The following PTPRQ variants were observed in gnomAD, a reference collection of about 807,000 sequenced individuals.
PTPRQ encodes phosphatidylinositol phosphatase PTPRQ.
Under a neutral mutation model 246.0 loss-of-function variants are expected in PTPRQ, and 199 were observed. The ratio of observed to expected loss-of-function variants is 0.81; its 90% confidence interval spans 0.72 to 0.91. The LOEUF (loss-of-function observed/expected upper bound fraction) is 0.91, where lower values mean the gene tolerates loss of function less well. PTPRQ is among the 40% of genes least tolerant of loss of function. PTPRQ has a pLI of 0.00. For synonymous variants in PTPRQ, 869 were observed against 853.2 expected, an observed-to-expected ratio of 1.02 and a Z score of -0.32; for missense variants, 2,624 against 2,528.4, an observed-to-expected ratio of 1.04 and a Z score of -0.81.
intron 3 of PTPRQ, among the ~76,000 whole-genome samples, chr12:80,449,109 A>T (rs201459994): frequency 1.3e-5 from 2 of 150,968 alleles, no homozygotes; most frequent in Non-Finnish European, 3.0e-5. Context: ...TTTGATTTGC[A>T]TTTCTCTGAT....
At chr12:80,607,867 A>C (rs180745169) in intron 27 of PTPRQ, among the ~76,000 whole-genome samples, 1 of 150,850 alleles carries the variant, frequency 6.6e-6, no homozygotes, top group African/African-American at 2.4e-5. Flanking sequence ...ACAAATTGTT[A>C]TGAGTAGCTT....
chr12:80,675,204 G>A (rs1901097522), intron 43 of PTPRQ, among the ~76,000 whole-genome samples: 1 of 152,098 alleles, frequency 6.6e-6, no homozygotes, highest in African/African-American at 2.4e-5. Context: ...ACACTTAAAA[G>A]GGCCCTGAAA....
At chr12:80,557,453 G>A (rs887759267) in intron 25 of PTPRQ, among the ~76,000 whole-genome samples, 2 of 150,612 alleles carry the variant, frequency 1.3e-5, no homozygotes, top group Non-Finnish European at 2.9e-5. Flanking sequence ...TCTGGCATAC[G>A]TGATAATAAG....
intron 33 of PTPRQ, among the ~76,000 whole-genome samples, chr12:80,623,747 T>C (rs1324644244): frequency 6.6e-6 from 1 of 152,120 alleles, no homozygotes. Flanking sequence ...ACTGGTTTCA[T>C]ACAGATTATT....
intron 31 of PTPRQ, 105 bp from the exon 32 acceptor site, chr12:80,620,049 T>A: frequency 7.4e-7 from 1 of 1,343,058 alleles, no homozygotes. Context: ...GTGACTGATG[T>A]TGCATCGAGA....
chr12:80,524,632 G>T (rs1311272297), intron 17 of PTPRQ, among the ~76,000 whole-genome samples: 1 of 152,130 alleles, frequency 6.6e-6, no homozygotes, highest in East Asian at 1.9e-4. Flanking sequence ...GATTCTGTTG[G>T]TTGACAGGCT....
Position 80,454,607 on chromosome 12 carries a change from C to T in PTPRQ, c.391-2968C>T, listed in dbSNP as rs907128012. 1.9e-5 allele frequency: 13 copies of T among 699,350 alleles called. No individual in the cohort carries two copies. The African/African-American group carries it at 2.3e-4, about 12-fold the overall frequency. 43.3% of individuals were successfully genotyped at this position (699,350 alleles called of 1,614,324 possible). ...TAGGATTATGTTGGCTGTGGTTTGT[C>T]ATATATAGCTCTTATTATTTTGACA... On this transcript the variant is annotated intron_variant, in intron 3 of 44. Transcript: ENST00000644991.
chr12:80,497,357 A>G (rs984585222), intron 14 of PTPRQ, among the ~76,000 whole-genome samples: 1 of 151,956 alleles, frequency 6.6e-6, no homozygotes, highest in Non-Finnish European at 1.5e-5. Flanking sequence ...GCAATTCACA[A>G]TAGAGTTTGC....
intron 8 of PTPRQ, among the ~76,000 whole-genome samples, chr12:80,476,349 C>T (rs1388854070): frequency 1.3e-5 from 2 of 152,020 alleles, no homozygotes; most frequent in African/African-American, 4.8e-5. Flanking sequence ...TGAAATAAAA[C>T]TCATACTAGA....
intron 10 of PTPRQ, 52 bp from the exon 11 acceptor site, chr12:80,494,881 A>G (rs1340417825): frequency 1.4e-6 from 2 of 1,480,534 alleles, no homozygotes; most frequent in Non-Finnish European, 1.8e-6. Flanking sequence ...AATAATTTTG[A>G]TTGTGAAGCC....
Position 80,678,795 on chromosome 12 carries a change from A to G in PTPRQ, c.6862+70A>G, listed in dbSNP as rs1004674659. ...CTACGGTAAGAACATAAATTTCAGA[A>G]TAACCATATGTTAAAAATGTTTAAG... On this transcript the variant is annotated intron_variant, in intron 44 of 44. Coordinates refer to ENST00000644991, the MANE Select transcript of PTPRQ (RefSeq NM_001145026.2). 6.3e-5 allele frequency: 93 copies of G among 1,467,550 alleles called. No homozygotes were observed. The Middle Eastern group carries it at 2.9e-3, about 45-fold the overall frequency. The allele number at this position is 1,467,550 out of a possible 1,614,324, so 90.9% of individuals were successfully genotyped here.
chr12:80,477,713 G>A (rs1051363139), intron 8 of PTPRQ, among the ~76,000 whole-genome samples: 7 of 152,188 alleles, frequency 4.6e-5, no homozygotes, highest in South Asian at 2.1e-4. Context: ...TGCCTCACTC[G>A]GGAAGCGCAA....
chr12:80,638,757 T>G (rs1899750103), intron 35 of PTPRQ, among the ~76,000 whole-genome samples: 1 of 152,218 alleles, frequency 6.6e-6, no homozygotes, highest in South Asian at 2.1e-4. Context: ...GATGTAGTAC[T>G]CTTTAATTCT....
intron 18 of PTPRQ, 113 bp downstream of exon 18, chr12:80,534,288 T>C: frequency 8.7e-7 from 1 of 1,149,764 alleles, no homozygotes; most frequent in Non-Finnish European, 1.2e-6. Context: ...ATATTCATCA[T>C]CAGTTTGATG....
intron 16 of PTPRQ, 110 bp downstream of exon 16, chr12:80,506,780 TAC>T: frequency 1.1e-6 from 1 of 885,922 alleles, no homozygotes; most frequent in Non-Finnish European, 1.7e-6. Flanking sequence ...ATCAGTTGTG[TAC>T]CATACCAGCG....
At chr12:80,595,385 G>A (rs1897935903) in intron 26 of PTPRQ, among the ~76,000 whole-genome samples, 1 of 152,018 alleles carries the variant, frequency 6.6e-6, no homozygotes, top group Non-Finnish European at 1.5e-5. Flanking sequence ...ATGTTAAAGT[G>A]TTACAGTGTC....
intron 25 of PTPRQ, among the ~76,000 whole-genome samples, chr12:80,579,732 C>T (rs997512484): frequency 1.3e-5 from 2 of 151,952 alleles, no homozygotes; most frequent in African/African-American, 4.8e-5. Context: ...TGTATTGATC[C>T]ATACTATATT....
intron 8 of PTPRQ, among the ~76,000 whole-genome samples, chr12:80,482,852 C>T (rs1415459738): frequency 4.4e-5 from 6 of 135,722 alleles, no homozygotes; most frequent in South Asian, 2.3e-4. Flanking sequence ...GTTAGAATGG[C>T]AATCATTAAA....
At chr12:80,565,847 A>G (rs117676744) in intron 25 of PTPRQ, among the ~76,000 whole-genome samples, 1 of 152,350 alleles carries the variant, frequency 6.6e-6, no homozygotes, top group Non-Finnish European at 1.5e-5. Flanking sequence ...TTCAAATATT[A>G]CAAGTTTCAT....
Sources: allele counts gnomAD v4.1 joint callset (sites outside exome capture counted in the v4.1 genomes callset), GRCh38; gene constraint gnomAD v4.1.1; transcripts MANE v1.5; gene names NCBI Gene and HGNC (gene_info 2026-07-23, HGNC 2026-07-21).